SOX5: variants seen among roughly 807,000 people sequenced by gnomAD.
SOX5 encodes the protein SRY-box transcription factor 5, also known as transcription factor SOX-5.
SOX5 carries 9 observed loss-of-function variants against 92.0 expected under a neutral mutation model. The ratio of observed to expected loss-of-function variants is 0.10; its 90% CI spans 0.06 to 0.17. SOX5 has a LOEUF of 0.17. Ranked by LOEUF, SOX5 falls within the 10% of genes least tolerant of loss-of-function variation. The probability of loss-of-function intolerance (pLI) is 1.00; values close to 1 mark genes in which losing one functional copy is unlikely to be tolerated. For missense variants in SOX5, 642 were observed against 944.5 expected (o/e 0.68, Z 4.20); for synonymous variants, 344 against 336.3 (o/e 1.02, Z -0.25).
At chr12:23,633,568 A>T (rs7304011) in intron 8 of SOX5, among the ~76,000 whole-genome samples, 2,203 of 152,162 alleles carry the variant, frequency 0.014, 44 homozygotes, top group African/African-American at 0.05. Flanking sequence ...TATCTAAATC[A>T]TCATTGGCTC....
At chr12:24,102,477 A>C (rs140698502) in intron 4 of SOX5, among the ~76,000 whole-genome samples, 2 of 152,340 alleles carry the variant, frequency 1.3e-5, no homozygotes, top group African/African-American at 2.4e-5. Flanking sequence ...GGATAAATGC[A>C]GGATAGGGAA....
chr12:24,226,539 C>T (rs963198235), intron 3 of SOX5, among the ~76,000 whole-genome samples: 49 of 152,078 alleles, frequency 3.2e-4, no homozygotes, highest in Admixed American at 9.8e-4. Flanking sequence ...GGCACGATCT[C>T]GGCTTACTGC....
At chr12:23,874,911 C>A (rs2096911610) in intron 2 of SOX5, among the ~76,000 whole-genome samples, 1 of 152,154 alleles carries the variant, frequency 6.6e-6, no homozygotes, top group African/African-American at 2.4e-5. Context: ...GGGGGAAAGG[C>A]AATAGGAATA....
intron 1 of SOX5, among the ~76,000 whole-genome samples, chr12:24,504,897 C>T (rs1948571102): frequency 6.6e-6 from 1 of 151,908 alleles, no homozygotes; most frequent in Non-Finnish European, 1.5e-5. Flanking sequence ...TTTTTCATGC[C>T]GCATTGAAGA....
chr12:24,252,880 AT>A (rs1448319868), intron 3 of SOX5, among the ~76,000 whole-genome samples: 1 of 152,164 alleles, frequency 6.6e-6, no homozygotes. Context: ...TATGAAATAA[AT>A]GTCATTCTGA....
At chr12:24,263,435 T>G (rs1594929601) in intron 3 of SOX5, among the ~76,000 whole-genome samples, 1 of 140,272 alleles carries the variant, frequency 7.1e-6, no homozygotes, top group Admixed American at 8.1e-5. Context: ...GGCTGAGGCA[T>G]GAGAATGGCG....
intron 1 of SOX5, among the ~76,000 whole-genome samples, chr12:24,534,818 G>C (rs1951496442): frequency 6.6e-6 from 1 of 152,222 alleles, no homozygotes; most frequent in Admixed American, 6.5e-5. Context: ...CCAGGAGTGG[G>C]TGGGAAACGG....
In SOX5 at chr12:24,547,811, C is replaced by T. The variant is rs1952791249; in HGVS notation, c.-251+14518G>A. On this transcript the variant is annotated intron_variant, in intron 1 of 4. Transcript: ENST00000446891. ...ACAAATAACCAGTTTCTGTTACTAGCTCCCCTATCAACTTGAAGTTCTCAC... is the reference window on the plus strand; with the variant it reads ...ACAAATAACCAGTTTCTGTTACTAGTTCCCCTATCAACTTGAAGTTCTCAC... 1.3e-5 allele frequency among the ~76,000 whole-genome samples: 2 copies of T among 152,160 alleles called. 1 individual carries two copies. Among genetic ancestry groups the T allele is most frequent in the South Asian group, 4.1e-4 (2 of 4,832 alleles).
intron 6 of SOX5, among the ~76,000 whole-genome samples, chr12:23,673,282 C>A (rs1389485390): frequency 6.6e-6 from 1 of 152,010 alleles, no homozygotes; most frequent in Non-Finnish European, 1.5e-5. Flanking sequence ...TTTTACACAG[C>A]TGGTGCTTGA....
At chr12:23,785,564 GA>G (rs1354103629) in intron 3 of SOX5, among the ~76,000 whole-genome samples, 3 of 152,130 alleles carry the variant, frequency 2.0e-5, no homozygotes, top group Non-Finnish European at 2.9e-5. Flanking sequence ...AAGAATGCAT[GA>G]ACAAAATATA....
chr12:23,978,988 T>A (rs1157977508), intron 4 of SOX5, among the ~76,000 whole-genome samples: 1 of 152,190 alleles, frequency 6.6e-6, no homozygotes, highest in Non-Finnish European at 1.5e-5. Context: ...TATACTTAAA[T>A]GACAATTTTT....
chr12:23,953,298 T>G (rs1288771276), upstream of SOX5, among the ~76,000 whole-genome samples: 2 of 152,072 alleles, frequency 1.3e-5, no homozygotes, highest in Non-Finnish European at 2.9e-5. Context: ...ATTGAATCTT[T>G]TAAATTTTGC....
chr12:23,963,225 T>C (rs960252952), intron 4 of SOX5, among the ~76,000 whole-genome samples: 1 of 152,174 alleles, frequency 6.6e-6, no homozygotes, highest in Non-Finnish European at 1.5e-5. Flanking sequence ...TTAACCCAGT[T>C]GGCAAATAGG....
intron 4 of SOX5, among the ~76,000 whole-genome samples, chr12:24,181,198 T>C (rs1396878108): frequency 6.6e-6 from 1 of 152,204 alleles, no homozygotes; most frequent in Non-Finnish European, 1.5e-5. Flanking sequence ...ATTTCTAATA[T>C]TCACCGTAAA....
chr12:23,980,814 C>T (rs890596076), intron 4 of SOX5, among the ~76,000 whole-genome samples: 2 of 152,150 alleles, frequency 1.3e-5, no homozygotes, highest in South Asian at 2.1e-4. Context: ...CAAGCTCTTC[C>T]ATTGGAAACC....
intron 7 of SOX5, among the ~76,000 whole-genome samples, chr12:23,662,259 A>C (rs2083169199): frequency 6.6e-6 from 1 of 152,104 alleles, no homozygotes; most frequent in South Asian, 2.1e-4. Context: ...TTAGGATTTT[A>C]ATAAGTAAGG....
intron 3 of SOX5, among the ~76,000 whole-genome samples, chr12:23,845,462 A>T (rs1045047719): frequency 1.3e-5 from 2 of 152,218 alleles, no homozygotes; most frequent in Non-Finnish European, 2.9e-5. Flanking sequence ...ATCTTAAAAG[A>T]AAGACTTTCT....
At chr12:23,802,866 C>T (rs1195612089) in intron 3 of SOX5, among the ~76,000 whole-genome samples, 3 of 152,178 alleles carry the variant, frequency 2.0e-5, no homozygotes, top group East Asian at 1.9e-4. Context: ...TGCAGTCTGG[C>T]TTCTGATCCG....
chr12:23,725,108 T>C (rs1275792216), intron 6 of SOX5, among the ~76,000 whole-genome samples: 1 of 152,054 alleles, frequency 6.6e-6, no homozygotes, highest in African/African-American at 2.4e-5. Flanking sequence ...AACAGGCAAA[T>C]GGTATCATAT....
Sources: gnomAD v4.1 joint callset for allele counts (sites outside exome capture counted in the v4.1 genomes callset) on GRCh38, gnomAD v4.1.1 for gene constraint, MANE v1.5 for transcripts, NCBI Gene and HGNC (gene_info 2026-07-23, HGNC 2026-07-21) for gene names.